Variants in FAAH2 observed in about 807,000 individuals in gnomAD.
FAAH2 encodes fatty acid amide hydrolase 2.
Under a neutral mutation model 36.9 loss-of-function variants are expected in FAAH2, and 60 were observed. That is an observed-to-expected ratio of 1.63 (90% confidence interval 1.32 to 2.02). The LOEUF (loss-of-function observed/expected upper bound fraction) is 2.02, where lower values mean the gene tolerates loss of function less well. FAAH2 is among the 30% of genes most tolerant of loss of function. The pLI is 0.00. For synonymous variants in FAAH2, 214 were observed against 143.8 expected (o/e 1.49, Z -3.49); for missense variants, 689 against 397.5 (o/e 1.73, Z -6.23).
intron 5 of FAAH2, among the ~76,000 whole-genome samples, chrX:57,360,083 A>T (rs12689811): frequency 0.21 from 22,824 of 108,203 alleles, 2,276 homozygotes; most frequent in Middle Eastern, 0.57. Flanking sequence ...CTGCACAGTG[A>T]GTAGCTATTC....
intron 7 of FAAH2, among the ~76,000 whole-genome samples, chrX:57,414,900 T>C (rs999297459): frequency 3.7e-4 from 39 of 105,929 alleles, no homozygotes; most frequent in African/African-American, 1.3e-3. Context: ...CTGCCTCAAT[T>C]TCAGCAATTG....
chrX:57,400,061 C>T (rs757075668), intron 7 of FAAH2, among the ~76,000 whole-genome samples: 10 of 112,267 alleles, frequency 8.9e-5, no homozygotes, highest in Non-Finnish European at 1.9e-4. Context: ...TACTTGTTGA[C>T]AGTTATGTTC....
At chrX:57,280,535 T>TA in the FAAH2 span, among the ~76,000 whole-genome samples, 10,401 of 104,636 alleles carry the variant, frequency 0.099, 1,249 homozygotes, top group African/African-American at 0.34. Flanking sequence ...GGCTAAAATT[T>TA]AAAAAAAAAA....
intron 1 of FAAH2, among the ~76,000 whole-genome samples, chrX:57,291,495 A>T (rs181557032): frequency 1.8e-5 from 2 of 112,157 alleles, no homozygotes; most frequent in Admixed American, 1.9e-4. Context: ...AACATTGTAT[A>T]GCTGAGCTTT....
At chrX:57,174,689 T>C in the FAAH2 span, among the ~76,000 whole-genome samples, 56 of 111,548 alleles carry the variant, frequency 5.0e-4, no homozygotes, top group African/African-American at 1.6e-3. Context: ...TTTGTGATCA[T>C]TCAGATTTTT....
chrX:57,175,976 G>A, the FAAH2 span, among the ~76,000 whole-genome samples: 1 of 111,654 alleles, frequency 9.0e-6, no homozygotes, highest in Non-Finnish European at 1.9e-5. Flanking sequence ...TAAGTTATCT[G>A]ATGCTTTTGT....
At chrX:57,279,496 A>G in the FAAH2 span, among the ~76,000 whole-genome samples, 1 of 111,560 alleles carries the variant, frequency 9.0e-6, no homozygotes, top group African/African-American at 3.3e-5. Flanking sequence ...AGAAATACCT[A>G]ATGTAGGTGA....
At chrX:57,327,215 A>C (rs1339387075) in intron 3 of FAAH2, among the ~76,000 whole-genome samples, 1 of 99,088 alleles carries the variant, frequency 1.0e-5, no homozygotes, top group Non-Finnish European at 2.0e-5. Flanking sequence ...ATCAGCTGTT[A>C]GTCTGATGGG....
chrX:57,186,031 G>T, the FAAH2 span, among the ~76,000 whole-genome samples: 1 of 111,298 alleles, frequency 9.0e-6, no homozygotes, highest in Non-Finnish European at 1.9e-5. Context: ...AAACATACAT[G>T]TGCAGGAGTC....
rs757872628 is a variant in FAAH2 at position 57,325,057 on chromosome X, G to T, written c.413-6541G>T. Among the ~76,000 whole-genome samples the T allele has an allele frequency of 8.9e-5, 10 of 112,140 alleles. No homozygotes were observed. In the South Asian group the frequency reaches 3.7e-3, roughly 42 times the overall value. ...GAGAGTTTTTAGCATGAAGGTTGTT[G>T]AATTTTGTCAAAGGCCTTTTCTGCA... On this transcript the variant is annotated intron_variant, in intron 3 of 10. Transcript: ENST00000374900.
At chrX:57,224,665 T>A in the FAAH2 span, among the ~76,000 whole-genome samples, 114 of 112,377 alleles carry the variant, frequency 1.0e-3, no homozygotes, top group Non-Finnish European at 1.6e-3. Flanking sequence ...GGGAACAATG[T>A]AGCAGTTACG....
chrX:57,230,484 T>G, the FAAH2 span, among the ~76,000 whole-genome samples: 1 of 112,068 alleles, frequency 8.9e-6, no homozygotes, highest in African/African-American at 3.2e-5. Flanking sequence ...ATATTCTGCT[T>G]CATTCTCTTT....
chrX:57,340,774 C>A (rs958554654), intron 4 of FAAH2, among the ~76,000 whole-genome samples: 1 of 110,616 alleles, frequency 9.0e-6, no homozygotes, highest in African/African-American at 3.3e-5. Context: ...TGGTGGGGAA[C>A]AACACACACT....
chrX:57,382,792 T>C (rs1341151052), intron 7 of FAAH2, among the ~76,000 whole-genome samples: 2 of 110,848 alleles, frequency 1.8e-5, no homozygotes, highest in Non-Finnish European at 3.8e-5. Flanking sequence ...TTCCAATCAA[T>C]AGAAAAAGAG....
At chrX:57,218,181 C>T in the FAAH2 span, among the ~76,000 whole-genome samples, 2 of 111,531 alleles carry the variant, frequency 1.8e-5, no homozygotes, top group African/African-American at 6.5e-5. Flanking sequence ...GATTTGGATG[C>T]CTTTTATTTA....
chrX:57,275,412 C>T, the FAAH2 span, among the ~76,000 whole-genome samples: 3 of 112,342 alleles, frequency 2.7e-5, no homozygotes, highest in South Asian at 1.1e-3. Flanking sequence ...GGTCAAGTAG[C>T]TCCTGACAGA....
chrX:57,187,377 G>T, the FAAH2 span, among the ~76,000 whole-genome samples: 2 of 110,054 alleles, frequency 1.8e-5, no homozygotes, highest in Non-Finnish European at 3.8e-5. Context: ...GTCTATTATT[G>T]GTGTATAGGA....
chrX:57,438,383 TTATA>T (rs368869592), intron 8 of FAAH2, among the ~76,000 whole-genome samples: 2 of 92,119 alleles, frequency 2.2e-5, no homozygotes, highest in Non-Finnish European at 4.4e-5. Flanking sequence ...ATATACAAAA[TTATA>T]TATATATATA....
chrX:57,367,898 C>T (rs1215940477), intron 5 of FAAH2, among the ~76,000 whole-genome samples: 1 of 111,766 alleles, frequency 8.9e-6, no homozygotes, highest in Non-Finnish European at 1.9e-5. Flanking sequence ...CCCACATTTG[C>T]CCCCGTTCTT....
Sources: gnomAD v4.1 joint callset for allele counts (sites outside exome capture counted in the v4.1 genomes callset) on GRCh38, gnomAD v4.1.1 for gene constraint, MANE v1.5 for transcripts, NCBI Gene and HGNC (gene_info 2026-07-23, HGNC 2026-07-21) for gene names.